NXPH1: variants seen among roughly 807,000 people sequenced by gnomAD.
NXPH1 encodes the protein neurexophilin-1.
NXPH1 carries 5 observed loss-of-function variants against 23.7 expected under a neutral mutation model. The ratio of observed to expected loss-of-function variants is 0.21; its 90% CI spans 0.11 to 0.44. The LOEUF (loss-of-function observed/expected upper bound fraction) is 0.44, where lower values mean the gene tolerates loss of function less well. NXPH1 is among the 20% of genes least tolerant of loss of function. The pLI is 0.99. For missense variants in NXPH1, 324 were observed against 321.6 expected, an observed-to-expected ratio of 1.01 and a Z score of -0.06; for synonymous variants, 144 against 122.2, an observed-to-expected ratio of 1.18 and a Z score of -1.18.
At chr7:8,598,661 A>T (rs1310930892) in intron 2 of NXPH1, among the ~76,000 whole-genome samples, 2 of 152,182 alleles carry the variant, frequency 1.3e-5, no homozygotes, top group Non-Finnish European at 2.9e-5. Context: ...GTACAGCGTC[A>T]GTATTTTTCT....
chr7:8,544,841 C>G (rs1239502289), intron 2 of NXPH1, among the ~76,000 whole-genome samples: 1 of 151,474 alleles, frequency 6.6e-6, no homozygotes, highest in African/African-American at 2.4e-5. Context: ...TGTAGCTATA[C>G]CCTTTAGAAA....
At chr7:8,720,212 A>C (rs1324804900) in intron 2 of NXPH1, among the ~76,000 whole-genome samples, 1 of 152,238 alleles carries the variant, frequency 6.6e-6, no homozygotes, top group African/African-American at 2.4e-5. Context: ...ACACTCTTAA[A>C]TAGCAATAGG....
At chr7:8,698,369 G>A (rs59920574) in intron 2 of NXPH1, among the ~76,000 whole-genome samples, 51,184 of 151,904 alleles carry the variant, frequency 0.34, 8,750 homozygotes, top group East Asian at 0.45. Context: ...TACTTGTTTC[G>A]TTCAGAACTA....
Position 8,677,944 on chromosome 7 carries a change from CA to C in NXPH1, c.55-73063del, listed in dbSNP as rs1204073828. Among the ~76,000 whole-genome samples the C allele has an allele frequency of 3.3e-5, 5 of 151,856 alleles. No individual in the cohort carries two copies. The South Asian group carries it at 1.0e-3, about 32-fold the overall frequency. On this transcript the variant is annotated intron_variant, in intron 2 of 2. Transcript: ENST00000405863. The stretch of plus-strand genomic sequence containing the variant: ...GTTTACATATATATAAACATACATA[CA>C]TTTATATATATTTTATAACTATATA...
At chr7:8,748,595 C>T (rs1425597838) in intron 2 of NXPH1, among the ~76,000 whole-genome samples, 1 of 152,174 alleles carries the variant, frequency 6.6e-6, no homozygotes, top group Non-Finnish European at 1.5e-5. Flanking sequence ...ATCTATTCTT[C>T]CTTCATCTCT....
At chr7:8,706,043 T>C (rs950703309) in intron 2 of NXPH1, among the ~76,000 whole-genome samples, 9 of 152,184 alleles carry the variant, frequency 5.9e-5, no homozygotes, top group African/African-American at 2.2e-4. Flanking sequence ...TAATATTTGA[T>C]GTATCTGGAA....
At chr7:8,526,889 A>G (rs2128616711) in intron 2 of NXPH1, among the ~76,000 whole-genome samples, 1 of 152,324 alleles carries the variant, frequency 6.6e-6, no homozygotes. Flanking sequence ...AGTAAGGCAC[A>G]GGTAAATATA....
chr7:8,525,562 G>C lies in NXPH1; in HGVS notation c.54+89795G>C, dbSNP rs549569680. Among the ~76,000 whole-genome samples, 138 of 152,268 alleles carry C rather than the reference G, an allele frequency of 9.1e-4. 2 individuals carry two copies. The highest frequency in any genetic ancestry group is 3.2e-3 in the African/African-American group (132 of 41,552). Reference sequence around the variant, plus strand: ...TTCACCGCGGTCCCCTCCCATCACAGGCCCAGAGGCCCAGGAGGAAAAAGT... The same window carrying C: ...TTCACCGCGGTCCCCTCCCATCACACGCCCAGAGGCCCAGGAGGAAAAAGT... On this transcript the variant is annotated intron_variant, in intron 2 of 2. Coordinates refer to ENST00000405863, the MANE Select transcript of NXPH1 (RefSeq NM_152745.3).
chr7:8,450,045 A>C (rs149016602), intron 2 of NXPH1, among the ~76,000 whole-genome samples: 1 of 152,222 alleles, frequency 6.6e-6, no homozygotes, highest in Non-Finnish European at 1.5e-5. Flanking sequence ...AGGGTAAGGT[A>C]AGAAGCGAGA....
At chr7:8,454,265 A>G (rs1034691757) in intron 2 of NXPH1, among the ~76,000 whole-genome samples, 1 of 152,130 alleles carries the variant, frequency 6.6e-6, no homozygotes, top group African/African-American at 2.4e-5. Flanking sequence ...GTCGAATGGA[A>G]TTTTGTAAGA....
chr7:8,480,773 T>A (rs1167903076), intron 2 of NXPH1, among the ~76,000 whole-genome samples: 3 of 152,162 alleles, frequency 2.0e-5, no homozygotes, highest in African/African-American at 7.2e-5. Context: ...TCACCAAGAT[T>A]TGTACATTGT....
intron 2 of NXPH1, among the ~76,000 whole-genome samples, chr7:8,669,382 G>A (rs926258686): frequency 1.3e-5 from 2 of 152,012 alleles, no homozygotes; most frequent in Non-Finnish European, 2.9e-5. Flanking sequence ...GAAGATGCTG[G>A]CCTGATTACT....
intron 2 of NXPH1, among the ~76,000 whole-genome samples, chr7:8,748,242 T>C (rs1293441717): frequency 6.6e-6 from 1 of 152,234 alleles, no homozygotes; most frequent in Non-Finnish European, 1.5e-5. Context: ...ATTTCTGCGA[T>C]ACTATTTTGG....
rs560233110 is a variant in NXPH1, at chr7:8,616,897, T to A, written c.55-134111T>A. 1.5e-4 allele frequency among the ~76,000 whole-genome samples: 22 copies of A among 150,954 alleles called. No individual in the cohort carries two copies. The East Asian group carries it at 4.3e-3, about 29-fold the overall frequency. ...TCTGGCTGAAGTATGGATATCAGAT[T>A]TGAGGGGAGGACAGTGTGAATGTGA... On this transcript the variant is annotated intron_variant, in intron 2 of 2. Transcript: ENST00000405863.
chr7:8,650,723 T>G (rs1471214997), intron 2 of NXPH1, among the ~76,000 whole-genome samples: 1 of 152,210 alleles, frequency 6.6e-6, no homozygotes, highest in Non-Finnish European at 1.5e-5. Context: ...TTTGGCAGCA[T>G]CCTATTGTAA....
intron 2 of NXPH1, among the ~76,000 whole-genome samples, chr7:8,605,595 C>T (rs1819468777): frequency 6.6e-6 from 1 of 152,048 alleles, no homozygotes; most frequent in Non-Finnish European, 1.5e-5. Flanking sequence ...TATTTCACAT[C>T]CTTTATGATT....
intron 2 of NXPH1, among the ~76,000 whole-genome samples, chr7:8,656,380 G>A (rs970528): frequency 0.7 from 106,897 of 151,964 alleles, 38,405 homozygotes; most frequent in East Asian, 1. Context: ...TTATTTACTT[G>A]TCTCATTTTA....
intron 2 of NXPH1, among the ~76,000 whole-genome samples, chr7:8,590,667 T>C (rs924350916): frequency 4.6e-5 from 7 of 152,118 alleles, no homozygotes; most frequent in African/African-American, 1.7e-4. Context: ...TTTGGCTTGG[T>C]GTATTTATTT....
At chr7:8,612,719 T>C (rs1409009209) in intron 2 of NXPH1, among the ~76,000 whole-genome samples, 1 of 152,078 alleles carries the variant, frequency 6.6e-6, no homozygotes, top group African/African-American at 2.4e-5. Flanking sequence ...ACAGTCTGTC[T>C]CATTCATTCA....
Sources: gnomAD v4.1 joint callset for allele counts (sites outside exome capture counted in the v4.1 genomes callset) on GRCh38, gnomAD v4.1.1 for gene constraint, MANE v1.5 for transcripts, NCBI Gene and HGNC (gene_info 2026-07-23, HGNC 2026-07-21) for gene names.